The following KCNH1 variants were observed in gnomAD, a reference collection of about 807,000 sequenced individuals.
KCNH1 encodes the protein potassium voltage-gated channel subfamily H member 1, also known as voltage-gated delayed rectifier potassium channel KCNH1.
Under a neutral mutation model 69.2 loss-of-function variants are expected in KCNH1, and 27 were observed. That is an observed-to-expected ratio of 0.39 (90% confidence interval 0.29 to 0.54). The LOEUF (loss-of-function observed/expected upper bound fraction) is 0.54. Among genes scored for constraint, KCNH1 ranks in the 20% least tolerant of loss-of-function variants. The pLI is 0.68. For missense variants in KCNH1, 798 were observed against 1,261.6 expected (o/e 0.63, Z 5.57); for synonymous variants, 456 against 487.7 (o/e 0.93, Z 0.86).
chr1:211,071,276 C>T (rs551513544), intron 5 of KCNH1, among the ~76,000 whole-genome samples: 73 of 152,236 alleles, frequency 4.8e-4, no homozygotes, highest in African/African-American at 1.8e-3. Flanking sequence ...TAACTAGTGC[C>T]ACCTCGTATG....
intron 5 of KCNH1, among the ~76,000 whole-genome samples, chr1:211,027,368 G>A (rs2102419938): frequency 6.6e-6 from 1 of 152,242 alleles, no homozygotes; most frequent in African/African-American, 2.4e-5. Context: ...CATTTTGGAG[G>A]CCAATGTAGG....
intron 10 of KCNH1, among the ~76,000 whole-genome samples, chr1:210,692,000 A>G (rs918191633): frequency 1.6e-4 from 24 of 152,220 alleles, no homozygotes; most frequent in Non-Finnish European, 2.5e-4. Flanking sequence ...AGTGGCCTTC[A>G]TCCAGGAAAA....
chr1:211,078,917 C>CAAAAAAAAAAAAAAAAAAAAAAAA, intron 5 of KCNH1, among the ~76,000 whole-genome samples: 1 of 83,040 alleles, frequency 1.2e-5, no homozygotes, highest in Non-Finnish European at 2.2e-5. Flanking sequence ...GACTCCGTCT[C>CAAAAAAAAAAAAAAAAAAAAAAAA]AAAAAAAAAA....
intron 10 of KCNH1, among the ~76,000 whole-genome samples, chr1:210,750,891 T>C (rs1346866693): frequency 6.6e-6 from 1 of 152,048 alleles, no homozygotes; most frequent in Non-Finnish European, 1.5e-5. Flanking sequence ...CATTTTACAA[T>C]GAACACAATT....
intron 5 of KCNH1, among the ~76,000 whole-genome samples, chr1:211,054,876 G>T (rs953561468): frequency 2.0e-5 from 3 of 151,834 alleles, no homozygotes; most frequent in African/African-American, 7.3e-5. Context: ...GAAAGGAAGG[G>T]ATGGTGGAAA....
At position 210,681,235 on chromosome 1, in the gene KCNH1, A is replaced by G. The variant is rs1159444906; in HGVS notation, c.*2046T>C. On this transcript the variant is annotated 3_prime_UTR_variant, in exon 11 of 11. Transcript: ENST00000271751. ...GATTCCAGATATTTTACGGCCTCTT[A>G]CCCAAGGACTGGTTGGCAGCTTCTC... 6.6e-6 allele frequency: 1 copy of G among 152,218 alleles called. No homozygotes were observed. Among genetic ancestry groups the G allele is most frequent in the Non-Finnish European group, 1.5e-5 (1 of 68,046 alleles). 9.4% of individuals were successfully genotyped at this position (152,218 alleles called of 1,614,324 possible).
At chr1:210,734,898 C>T (rs1682836014) in intron 10 of KCNH1, among the ~76,000 whole-genome samples, 1 of 152,150 alleles carries the variant, frequency 6.6e-6, no homozygotes, top group African/African-American at 2.4e-5. Flanking sequence ...ATTTATTCTC[C>T]TTTTATCTAG....
chr1:210,723,171 C>T (rs763111917), intron 10 of KCNH1, among the ~76,000 whole-genome samples: 27 of 152,074 alleles, frequency 1.8e-4, no homozygotes, highest in Admixed American at 3.3e-4. Context: ...CAGTGTCTCT[C>T]GTGGTCTCTC....
chr1:211,076,888 G>C (rs1414757561), intron 5 of KCNH1, among the ~76,000 whole-genome samples: 1 of 152,206 alleles, frequency 6.6e-6, no homozygotes, highest in Non-Finnish European at 1.5e-5. Flanking sequence ...TGGCTACCTA[G>C]AATAAACAGT....
In KCNH1 at chr1:210,826,869, G is replaced by A. The variant is rs115638131; in HGVS notation, c.1463-22703C>T. Among the ~76,000 whole-genome samples the A allele has an allele frequency of 1.9e-3, 288 of 152,350 alleles. 2 individuals are homozygous for A. Among genetic ancestry groups the A allele is most frequent in the African/African-American group, 6.8e-3 (282 of 41,580 alleles). On this transcript the variant is annotated intron_variant, in intron 7 of 10. Coordinates refer to ENST00000271751, the MANE Select transcript of KCNH1 (RefSeq NM_172362.3). Reference sequence around the variant, plus strand: ...ATCCCCTCCTATCCAGGCTGTGCAAGCACAGAGCCTGGGCAGCACCTGTAC... The same window carrying A: ...ATCCCCTCCTATCCAGGCTGTGCAAACACAGAGCCTGGGCAGCACCTGTAC...
chr1:210,926,265 AC>A (rs1687571437), intron 6 of KCNH1, among the ~76,000 whole-genome samples: 1 of 116,926 alleles, frequency 8.6e-6, no homozygotes, highest in African/African-American at 3.2e-5. Context: ...CTCCATCTAA[AC>A]ACACACACAC....
intron 5 of KCNH1, among the ~76,000 whole-genome samples, chr1:211,057,058 G>A (rs536171406): frequency 2.0e-5 from 3 of 152,284 alleles, no homozygotes; most frequent in African/African-American, 4.8e-5. Flanking sequence ...CAATCCCAGA[G>A]AGACAGAGAT....
chr1:210,963,050 AG>A (rs970884642), intron 6 of KCNH1, among the ~76,000 whole-genome samples: 1 of 151,886 alleles, frequency 6.6e-6, no homozygotes, highest in African/African-American at 2.4e-5. Context: ...TCTTTAAAAA[AG>A]TATTCCCAAA....
chr1:211,030,706 C>T (rs1689767446), intron 5 of KCNH1, among the ~76,000 whole-genome samples: 1 of 152,032 alleles, frequency 6.6e-6, no homozygotes, highest in African/African-American at 2.4e-5. Flanking sequence ...GCAAACTGTT[C>T]TTAGATTTGA....
At position 210,872,063 on chromosome 1, in the gene KCNH1, T is replaced by TA. The variant is rs1015294813; in HGVS notation, c.1462+47576dup. On this transcript the variant is annotated intron_variant, in intron 7 of 10. Coordinates refer to ENST00000271751, the MANE Select transcript of KCNH1 (RefSeq NM_172362.3). The stretch of plus-strand genomic sequence containing the variant: ...AACTTAAAGTATAATAATAATAAAT[T>TA]AAAAAAAACAAAATATATACATAAT... Among the ~76,000 whole-genome samples, 85 of 112,684 alleles carry TA rather than the reference T, an allele frequency of 7.5e-4. 1 individual carries two copies. In the South Asian group the frequency reaches 0.014, roughly 18 times the overall value. 73.9% of individuals were successfully genotyped at this position (112,684 alleles called of 152,430 possible).
At chr1:210,776,217 A>G (rs1042245800) in intron 9 of KCNH1, among the ~76,000 whole-genome samples, 2 of 152,106 alleles carry the variant, frequency 1.3e-5, no homozygotes, top group African/African-American at 2.4e-5. Flanking sequence ...TTATGTTTGT[A>G]TGGTGCCTCT....
In KCNH1 at chr1:210,843,022, A is replaced by G. The variant is rs572949276; in HGVS notation, c.1463-38856T>C. Among the ~76,000 whole-genome samples the G allele has an allele frequency of 6.6e-5, 10 of 152,358 alleles. No individual in the cohort carries two copies. In the East Asian group the frequency reaches 1.5e-3, roughly 23 times the overall value. ...ACAAGCCAATAAGCCAAAGTTACAG[A>G]GAAAGTAGTCTTTCCTCTAAAATGT... On this transcript the variant is annotated intron_variant, in intron 7 of 10. Transcript: ENST00000271751.
chr1:210,928,414 CCCTCAAAACAA>C (rs1182429524), intron 6 of KCNH1, among the ~76,000 whole-genome samples: 1 of 152,098 alleles, frequency 6.6e-6, no homozygotes, highest in Admixed American at 6.5e-5. Flanking sequence ...CCAAAAGGAA[CCCTCAAAACAA>C]TCCAAATACA....
intron 5 of KCNH1, among the ~76,000 whole-genome samples, chr1:211,046,910 C>A (rs1690102582): frequency 6.6e-6 from 1 of 152,050 alleles, no homozygotes; most frequent in South Asian, 2.1e-4. Flanking sequence ...TAATACTAAC[C>A]AATGGAAATA....
Sources: allele counts gnomAD v4.1 joint callset (sites outside exome capture counted in the v4.1 genomes callset), GRCh38; gene constraint gnomAD v4.1.1; transcripts MANE v1.5; gene names NCBI Gene and HGNC (gene_info 2026-07-23, HGNC 2026-07-21).